The following CFAP100 variants were observed in gnomAD, a reference collection of about 807,000 sequenced individuals.
CFAP100 encodes cilia and flagella associated protein 100.
Under a neutral mutation model 81.5 loss-of-function variants are expected in CFAP100, and 70 were observed. The ratio of observed to expected loss-of-function variants is 0.86; its 90% CI spans 0.71 to 1.05. CFAP100 has a LOEUF of 1.05. Among genes scored for constraint, CFAP100 ranks in the 50% least tolerant of loss-of-function variants. The pLI is 0.00. For missense variants in CFAP100, 811 were observed against 776.5 expected, an observed-to-expected ratio of 1.04 and a Z score of -0.53; for synonymous variants, 341 against 314.8, an observed-to-expected ratio of 1.08 and a Z score of -0.88.
Position 126,418,725 on chromosome 3 carries a change from G to A in CFAP100, c.601G>A (p.Asp201Asn), listed in dbSNP as rs779910097. 8.8e-6 allele frequency: 14 copies of A among 1,595,920 alleles called. No homozygotes were observed. In the East Asian group the frequency reaches 2.0e-4, roughly 23 times the overall value. The change falls in exon 7 of 17, where the codon GAC (aspartate) becomes AAC (asparagine). Residue 201 changes from aspartate (D) to asparagine (N), a missense_variant. By Grantham distance (23) the Asp-to-Asn change is conservative. Coordinates refer to ENST00000352312, the MANE Select transcript of CFAP100 (RefSeq NM_182628.3). The part of the protein sequence containing the change: ...KSLEKDAALF[D>N]EFVRENDCSS... ...CCTGGAGAAGGACGCCGCCTTGTTC[G>A]ACGAGTTCGTCAGGGAGAATGACTG...
intron 2 of CFAP100, among the ~76,000 whole-genome samples, chr3:126,402,326 A>T (rs1315051832): frequency 6.6e-6 from 1 of 152,192 alleles, no homozygotes; most frequent in African/African-American, 2.4e-5. Flanking sequence ...CTGCTTACTC[A>T]CAGATCCCTA....
At position 126,418,748 on chromosome 3, in the gene CFAP100, C is replaced by CGTCA; in HGVS notation, c.624_625insGTCA (p.Cys209ValfsTer12). The CGTCA allele has an allele frequency of 6.3e-7, 1 of 1,597,486 alleles. No homozygotes were observed. The highest frequency in any genetic ancestry group is 8.5e-7 in the Non-Finnish European group (1 of 1,172,980). On this transcript the variant is annotated frameshift_variant, in exon 7 of 17. Coordinates refer to ENST00000352312, the MANE Select transcript of CFAP100 (RefSeq NM_182628.3). LOFTEE classifies it high-confidence loss of function. The stretch of plus-strand genomic sequence containing the variant: ...TCGACGAGTTCGTCAGGGAGAATGA[C>CGTCA]TGCAGCTCCGTGCAGGCCATGAGAG...
At chr3:126,415,793 T>C (rs6794488) in intron 4 of CFAP100, among the ~76,000 whole-genome samples, 95,300 of 151,892 alleles carry the variant, frequency 0.63, 31,161 homozygotes, top group African/African-American at 0.82. Context: ...CCTGCCTTCC[T>C]GCTCCTCCGA....
chr3:126,419,741 A>T lies in CFAP100; in HGVS notation c.836A>T (p.His279Leu). The T allele has an allele frequency of 6.2e-7, 1 of 1,613,942 alleles. No individual in the cohort carries two copies. Among genetic ancestry groups the T allele is most frequent in the Non-Finnish European group, 8.5e-7 (1 of 1,179,984 alleles). The change falls in exon 9 of 17, where the codon CAC (histidine) becomes CTC (leucine). Residue 279 changes from histidine (H) to leucine (L), a missense_variant. Transcript: ENST00000352312. ...TGGCTTGAAGAACAGGAAAAGAAAC[A>T]CTCGTTTCTCAAAAAGGCCAAGGAG... ...KEWLEEQEKK[H>L]SFLKKAKEVS...
chr3:126,427,565 G>A (rs899019404), intron 13 of CFAP100, among the ~76,000 whole-genome samples: 41 of 152,098 alleles, frequency 2.7e-4, no homozygotes, highest in African/African-American at 9.7e-4. Flanking sequence ...ACTCATTTGG[G>A]TAAATACTAG....
intron 2 of CFAP100, among the ~76,000 whole-genome samples, chr3:126,406,417 C>T (rs1363204553): frequency 6.6e-6 from 1 of 152,216 alleles, no homozygotes; most frequent in Non-Finnish European, 1.5e-5. Context: ...GAGCAGCCCA[C>T]CGGAGACCAC....
chr3:126,416,503 C>A lies in CFAP100; in HGVS notation c.413C>A (p.Thr138Asn). ...TACACGACCTGGAAGCTCACCTTGACCAAAGGTGCGTCCCCTCCGGCGCGG... is the reference window on the plus strand; with the variant it reads ...TACACGACCTGGAAGCTCACCTTGAACAAAGGTGCGTCCCCTCCGGCGCGG... ...RDYTTWKLTL[T>N]KEKNVEPENM... is the part of the protein sequence containing the mutation. The change falls in exon 5 of 17, where the codon ACC becomes AAC. Residue 138 changes from threonine (T) to asparagine (N), a missense_variant. Thr to Asn is a moderately conservative substitution (Grantham distance 65, BLOSUM62 0). Transcript: ENST00000352312. 1 of 1,585,382 alleles carries A rather than the reference C, an allele frequency of 6.3e-7. No individual in the cohort carries two copies.
At chr3:126,436,241 G>A in intron 16 of CFAP100, 50 bp from the exon 17 acceptor site, 1 of 1,442,370 alleles carries the variant, frequency 6.9e-7, no homozygotes, top group Admixed American at 1.8e-5. Context: ...GGGTATATGG[G>A]CATACGGCTC....
Position 126,423,339 on chromosome 3 carries a change from TC to T in CFAP100, c.1104del (p.Thr369ArgfsTer36), listed in dbSNP as rs747835123. On this transcript the variant is annotated frameshift_variant, in exon 12 of 17. Transcript: ENST00000352312. LOFTEE classifies it high-confidence loss of function. ...TCTCTTCGCAGGTCGAACTCTCCCA[TC>T]CCCCCCACGCAGGAGGACACCGACA... ...GGDSRGSNSP[I>X]PPTQEDTDSD... 6.2e-6 allele frequency: 10 copies of T among 1,612,204 alleles called. No homozygotes were observed. In the African/African-American group the frequency reaches 6.7e-5, roughly 11 times the overall value.
Position 126,421,771 on chromosome 3 carries a change from T to C in CFAP100, c.1082+1542T>C, listed in dbSNP as rs138849891. Among the ~76,000 whole-genome samples the C allele has an allele frequency of 1.4e-3, 213 of 152,360 alleles. 2 individuals carry two copies. Among genetic ancestry groups the C allele is most frequent in the Non-Finnish European group, 1.6e-3 (108 of 68,032 alleles). ...AAGAGGACCCAAGCTGGCTTTCCTTTCTGCCCAGTGTGGCCACGCCTTGTG... is the reference window on the plus strand; with the variant it reads ...AAGAGGACCCAAGCTGGCTTTCCTTCCTGCCCAGTGTGGCCACGCCTTGTG... On this transcript the variant is annotated intron_variant, in intron 11 of 16. Coordinates refer to ENST00000352312, the MANE Select transcript of CFAP100 (RefSeq NM_182628.3).
At chr3:126,418,030 A>G in intron 5 of CFAP100, 1 of 171,844 alleles carries the variant, frequency 5.8e-6, no homozygotes. Flanking sequence ...GCCTCTGCCC[A>G]GTTTGCTCGG....
rs1470063116 is a variant in CFAP100, at chr3:126,419,732, A to G, written c.827A>G (p.Glu276Gly). Residue 276 changes from glutamate (E) to glycine (G), a missense_variant, in exon 9 of 17, where the codon GAA becomes GGA. By Grantham distance (98) the Glu-to-Gly change is moderately conservative. Coordinates refer to ENST00000352312, the MANE Select transcript of CFAP100 (RefSeq NM_182628.3). ...CCCAAGGAGTGGCTTGAAGAACAGG[A>G]AAAGAAACACTCGTTTCTCAAAAAG... Reference protein sequence around the residue: ...LSPKEWLEEQEKKHSFLKKAK... With the variant: ...LSPKEWLEEQGKKHSFLKKAK... The G allele has an allele frequency of 1.2e-6, 2 of 1,614,066 alleles. No individual in the cohort carries two copies. Among genetic ancestry groups the G allele is most frequent in the East Asian group, 4.5e-5 (2 of 44,892 alleles).
At chr3:126,432,318 G>A (rs1045216285) in intron 13 of CFAP100, among the ~76,000 whole-genome samples, 8 of 149,546 alleles carry the variant, frequency 5.3e-5, no homozygotes, top group Admixed American at 3.3e-4. Flanking sequence ...AAAAAGAAAG[G>A]TGAATGTTGA....
At chr3:126,416,599 C>A in intron 5 of CFAP100, 91 bp downstream of exon 5, 5 of 1,115,304 alleles carry the variant, frequency 4.5e-6, no homozygotes, top group Non-Finnish European at 5.0e-6. Flanking sequence ...TGCCACTCAT[C>A]TTGCACAGAT....
At chr3:126,419,860 A>G (rs2083300618) in intron 9 of CFAP100, 42 bp downstream of exon 9, 16 of 1,610,196 alleles carry the variant, frequency 9.9e-6, no homozygotes, top group Non-Finnish European at 1.4e-5. Context: ...GGGCTCTGCC[A>G]GTGGCCCACT....
chr3:126,423,711 G>A, intron 13 of CFAP100, 67 bp downstream of exon 13: 4 of 1,588,464 alleles, frequency 2.5e-6, no homozygotes, highest in Non-Finnish European at 3.4e-6. Flanking sequence ...CCTAGCACTG[G>A]GAGCCAAGTT....
intron 3 of CFAP100, among the ~76,000 whole-genome samples, chr3:126,412,992 G>A (rs775444223): frequency 1.3e-5 from 2 of 152,224 alleles, no homozygotes; most frequent in African/African-American, 2.4e-5. Flanking sequence ...GACATGGGAT[G>A]GGCCGCCCAT....
chr3:126,406,102 C>T (rs1322609161), intron 2 of CFAP100, among the ~76,000 whole-genome samples: 1 of 152,160 alleles, frequency 6.6e-6, no homozygotes, highest in Non-Finnish European at 1.5e-5. Flanking sequence ...CATGGTTCAG[C>T]AACCGAGCCC....
intron 13 of CFAP100, among the ~76,000 whole-genome samples, chr3:126,429,620 A>AG (rs1489090548): frequency 9.5e-5 from 4 of 42,002 alleles, no homozygotes; most frequent in Admixed American, 2.6e-4. Flanking sequence ...TATCTACTGT[A>AG]GGTTTTTTTT....
Sources: gnomAD v4.1 joint callset for allele counts (sites outside exome capture counted in the v4.1 genomes callset) on GRCh38, gnomAD v4.1.1 for gene constraint, MANE v1.5 for transcripts, NCBI Gene and HGNC (gene_info 2026-07-23, HGNC 2026-07-21) for gene names.